Variants in RBFOX2 observed in about 807,000 individuals in gnomAD.
RBFOX2 encodes RNA binding fox-1 homolog 2, also known as RNA binding protein fox-1 homolog 2.
RBFOX2 carries 10 observed loss-of-function variants against 49.1 expected under a neutral mutation model. The observed-to-expected ratio is 0.20, with a 90% CI of 0.13 to 0.35. The LOEUF (loss-of-function observed/expected upper bound fraction) is 0.35. RBFOX2 is among the 10% of genes least tolerant of loss of function. RBFOX2 has a pLI of 1.00. For synonymous variants in RBFOX2, 183 were observed against 187.4 expected (o/e 0.98, Z 0.19); for missense variants, 323 against 486.9 (o/e 0.66, Z 3.17).
chr22:35,913,477 T>TTGTGTG (rs61402464), intron 1 of RBFOX2, among the ~76,000 whole-genome samples: 29 of 143,422 alleles, frequency 2.0e-4, no homozygotes, highest in South Asian at 2.3e-4. Context: ...GTTATTTCTA[T>TTGTGTG]TGTGTGTGTG....
chr22:35,864,672 A>G (rs1247172080), intron 1 of RBFOX2, among the ~76,000 whole-genome samples: 2 of 152,378 alleles, frequency 1.3e-5, no homozygotes, highest in African/African-American at 4.8e-5. Flanking sequence ...AACAGAGCAC[A>G]AGGTCTGAAT....
intron 1 of RBFOX2, among the ~76,000 whole-genome samples, chr22:36,014,191 G>A (rs2058944346): frequency 6.6e-6 from 1 of 151,098 alleles, no homozygotes; most frequent in Admixed American, 6.6e-5. Context: ...GCGCAATCGC[G>A]GCTCACTGCA....
Position 35,759,892 on chromosome 22 carries a change from G to C in RBFOX2, c.883C>G (p.Pro295Ala). Reference sequence around the variant, plus strand: ...ATTTTGGAATCTAACGCTTACCCTGGATAGGCGGGGATGGCTGTTGGAGGT... The same window carrying C: ...ATTTTGGAATCTAACGCTTACCCTGCATAGGCGGGGATGGCTGTTGGAGGT... Residue 295 changes from proline (P) to alanine (A), a missense_variant, in exon 9 of 12, where the codon CCA becomes GCA. Physicochemically the swap from Pro to Ala is conservative, Grantham distance 27 (BLOSUM62 -1). Coordinates refer to ENST00000405409, the Ensembl canonical transcript of RBFOX2. This position sits in a 1 kb window ranked among gnomAD's most constrained non-coding sequence, Gnocchi z 4.6. 2.5e-6 allele frequency: 4 copies of C among 1,612,580 alleles called. No individual in the cohort carries two copies. Among genetic ancestry groups the C allele is most frequent in the Non-Finnish European group, 3.4e-6 (4 of 1,179,072 alleles).
chr22:35,817,477 A>AAATAAAT (rs1569245738), intron 1 of RBFOX2, among the ~76,000 whole-genome samples: 1 of 149,398 alleles, frequency 6.7e-6, no homozygotes, highest in East Asian at 2.0e-4. Flanking sequence ...ACTTTGTCTC[A>AAATAAAT]AAATAAATAA....
chr22:35,985,663 T>A, intron 1 of RBFOX2, among the ~76,000 whole-genome samples: 1 of 152,172 alleles, frequency 6.6e-6, no homozygotes, highest in East Asian at 1.9e-4. Context: ...GACTAGATAA[T>A]CTTTAAGTCC....
intron 1 of RBFOX2, among the ~76,000 whole-genome samples, chr22:35,979,093 C>T (rs1231280056): frequency 6.6e-6 from 1 of 152,112 alleles, no homozygotes; most frequent in African/African-American, 2.4e-5. Context: ...CATTTGCCTC[C>T]AGATATGATG....
At chr22:35,840,130 C>G (rs1020780886) in intron 1 of RBFOX2, 2 of 1,581,208 alleles carry the variant, frequency 1.3e-6, no homozygotes, top group Non-Finnish European at 8.7e-7. Context: ...ACTCCACCCT[C>G]AAACCTTTAT....
chr22:35,743,124 A>G (rs544707017), exon 12 of RBFOX2: 3 of 152,542 alleles, frequency 2.0e-5, no homozygotes, highest in East Asian at 3.9e-4. Context: ...TCTTTATTCT[A>G]TTTTTTAAAC....
chr22:36,028,365 C>G, exon 1 of RBFOX2: 3 of 1,392,084 alleles, frequency 2.2e-6, no homozygotes, highest in Non-Finnish European at 2.8e-6. Flanking sequence ...CGCTTCATGC[C>G]CCGGGCGGCG....
chr22:36,019,511 A>T (rs1366859122), intron 1 of RBFOX2, among the ~76,000 whole-genome samples: 1 of 152,220 alleles, frequency 6.6e-6, no homozygotes, highest in African/African-American at 2.4e-5. Context: ...CTTGATAGGC[A>T]CCTTAAAGAA....
upstream of RBFOX2, among the ~76,000 whole-genome samples, chr22:35,943,157 T>C (rs1603451585): frequency 6.6e-6 from 1 of 152,220 alleles, no homozygotes; most frequent in East Asian, 1.9e-4. Context: ...AAAGTAATGG[T>C]AAAAACCGCA....
At chr22:35,865,184 C>G (rs914164900) in intron 1 of RBFOX2, among the ~76,000 whole-genome samples, 4 of 151,816 alleles carry the variant, frequency 2.6e-5, no homozygotes. Flanking sequence ...GAAAAAAAGC[C>G]TGGCATGATT....
chr22:35,800,405 T>C lies in RBFOX2; in HGVS notation c.252+9375A>G, dbSNP rs564332718. On this transcript the variant is annotated intron_variant, in intron 2 of 11. Transcript: ENST00000405409. The stretch of plus-strand genomic sequence containing the variant: ...CATATTTCTCAGCCTGGCATTCAAA[T>C]ACTCTTCCCAATTTATACTCAACTG... Among the ~76,000 whole-genome samples the C allele has an allele frequency of 5.9e-5, 9 of 152,330 alleles. No homozygotes were observed. In the East Asian group the frequency reaches 1.5e-3, roughly 26 times the overall value.
chr22:35,779,152 A>G (rs1240626276), intron 3 of RBFOX2, among the ~76,000 whole-genome samples: 1 of 152,258 alleles, frequency 6.6e-6, no homozygotes, highest in Non-Finnish European at 1.5e-5. Flanking sequence ...AGCTGACTAG[A>G]GGGTTACACA....
At chr22:35,822,812 T>C (rs1160550760) in intron 1 of RBFOX2, 1 of 431,948 alleles carries the variant, frequency 2.3e-6, no homozygotes, top group African/African-American at 2.2e-5. Flanking sequence ...ATGTTTTGTT[T>C]TTCCTTTGGG....
intron 1 of RBFOX2, among the ~76,000 whole-genome samples, chr22:35,936,168 T>C (rs2053042381): frequency 6.9e-6 from 1 of 145,792 alleles, no homozygotes; most frequent in South Asian, 2.1e-4. Flanking sequence ...GCCATGTTCA[T>C]GCCACTGCAC....
At chr22:35,795,238 T>C (rs1249545512) in intron 2 of RBFOX2, among the ~76,000 whole-genome samples, 1 of 152,140 alleles carries the variant, frequency 6.6e-6, no homozygotes, top group Non-Finnish European at 1.5e-5. Flanking sequence ...CCCTGCCTTT[T>C]ATTACTTTGA....
At chr22:35,989,603 AC>A (rs1436867283) in intron 1 of RBFOX2, among the ~76,000 whole-genome samples, 1 of 152,148 alleles carries the variant, frequency 6.6e-6, no homozygotes, top group African/African-American at 2.4e-5. Context: ...GGTAAAGATA[AC>A]TAAATGTGCT....
intron 1 of RBFOX2, among the ~76,000 whole-genome samples, chr22:35,953,351 T>C (rs1569509823): frequency 1.3e-5 from 2 of 151,546 alleles, no homozygotes; most frequent in African/African-American, 2.4e-5. Context: ...TGATATATGC[T>C]ACAACATGGA....
Sources: gnomAD v4.1 joint callset for allele counts (sites outside exome capture counted in the v4.1 genomes callset) on GRCh38, gnomAD v4.1.1 for gene constraint, Gnocchi (gnomAD v3.1) non-coding constraint, MANE v1.5 for transcripts, NCBI Gene and HGNC (gene_info 2026-07-23, HGNC 2026-07-21) for gene names.